TTI2: variants seen among roughly 807,000 people sequenced by gnomAD.
The protein encoded by TTI2 is TELO2 interacting protein 2.
In TTI2, 26 loss-of-function variants were observed where a neutral mutation model predicts 44.9. That is an observed-to-expected ratio of 0.58 (90% CI 0.42 to 0.80). The LOEUF (loss-of-function observed/expected upper bound fraction) is 0.80, where lower values mean the gene tolerates loss of function less well. TTI2 is among the 30% of genes least tolerant of loss of function. The pLI, the probability that TTI2 is intolerant of heterozygous loss-of-function variation, is 0.00. For missense variants in TTI2, 582 were observed against 611.6 expected (o/e 0.95, Z 0.51); for synonymous variants, 254 against 250.9 (o/e 1.01, Z -0.12).
At chr8:33,504,288 C>CCTTTTTT (rs1563352474) in intron 4 of TTI2, among the ~76,000 whole-genome samples, 1 of 55,784 alleles carries the variant, frequency 1.8e-5, no homozygotes. Context: ...GATATTTACA[C>CCTTTTTT]ATTTTTTTTT....
chr8:33,506,193 A>T (rs1267694872), intron 4 of TTI2, among the ~76,000 whole-genome samples: 1 of 152,134 alleles, frequency 6.6e-6, no homozygotes, highest in African/African-American at 2.4e-5. Flanking sequence ...TCTTTTCCAA[A>T]GCTTATCTTA....
rs1299206780 is a variant in TTI2 at position 33,499,138 on chromosome 8, G to A, written c.*35C>T. Reference sequence around the variant, plus strand: ...CCATTCATACAAATTGGGATGGGAAGAAAATCCTTTCCTCTTGGGAAAGTA... The same window carrying A: ...CCATTCATACAAATTGGGATGGGAAAAAAATCCTTTCCTCTTGGGAAAGTA... On this transcript the variant is annotated 3_prime_UTR_variant, in exon 8 of 8. Transcript: ENST00000431156. 5.2e-6 allele frequency: 8 copies of A among 1,543,868 alleles called. No individual in the cohort carries two copies. Among genetic ancestry groups the A allele is most frequent in the Non-Finnish European group, 7.2e-6 (8 of 1,116,356 alleles).
chr8:33,502,708 C>T (rs1162574979), intron 6 of TTI2, among the ~76,000 whole-genome samples: 4 of 151,884 alleles, frequency 2.6e-5, no homozygotes, highest in Admixed American at 1.3e-4. Context: ...CACCTGTAAT[C>T]CCAGCTACTC....
intron 4 of TTI2, among the ~76,000 whole-genome samples, chr8:33,505,178 G>C (rs537844820): frequency 1.3e-5 from 2 of 152,018 alleles, no homozygotes; most frequent in Non-Finnish European, 2.9e-5. Context: ...TGCCAAGATC[G>C]CGCCACTGTA....
chr8:33,512,426 T>C lies in TTI2; in HGVS notation c.188A>G (p.Glu63Gly), dbSNP rs2304748. Residue 63 changes from glutamate (E) to glycine (G), a missense_variant, in exon 2 of 8, where the codon GAA becomes GGA. By Grantham distance (98) the Glu-to-Gly change is moderately conservative. Coordinates refer to ENST00000431156, the MANE Select transcript of TTI2 (RefSeq NM_001102401.4). ...KDLGDLIEAT[E>G]FDRLFEGTGA... ...AGTCCCCTCAAATAACCTATCAAAT[T>C]CTGTGGCTTCTATTAGATCACCGAG... 0.59 allele frequency: 955,835 copies of C among 1,613,788 alleles called. 286,172 individuals carry two copies. The highest frequency in any genetic ancestry group is 0.62 in the Non-Finnish European group (727,759 of 1,179,968).
chr8:33,503,318 T>C, intron 6 of TTI2, 111 bp downstream of exon 6: 1 of 1,432,024 alleles, frequency 7.0e-7, no homozygotes. Flanking sequence ...AAATGGGAGG[T>C]ATTCAAATAC....
At chr8:33,507,465 T>C in intron 3 of TTI2, 144 bp from the exon 4 acceptor site, 1 of 741,384 alleles carries the variant, frequency 1.3e-6, no homozygotes, top group Non-Finnish European at 2.4e-6. Context: ...TTGAAAATAT[T>C]GCAGAAACTG....
In TTI2 at chr8:33,512,618, G is replaced by C; in HGVS notation, c.-5C>G. The C allele has an allele frequency of 1.2e-6, 2 of 1,612,272 alleles. No individual in the cohort carries two copies. The highest frequency in any genetic ancestry group is 1.7e-6 in the Non-Finnish European group (2 of 1,180,022). ...CAGAGCGCTGTCAAGCTCCATTCCT[G>C]ACTGCAGCACCAGAAGGCTGGTCTC... On this transcript the variant is annotated 5_prime_UTR_variant, in exon 2 of 8. Transcript: ENST00000431156.
chr8:33,499,507 A>G (rs1439328427), intron 7 of TTI2: 3 of 435,994 alleles, frequency 6.9e-6, no homozygotes, highest in East Asian at 4.3e-5. Flanking sequence ...TGTACTTGCA[A>G]ATCTCCTGCT....
At position 33,503,423 on chromosome 8, in the gene TTI2, T is replaced by C; in HGVS notation, c.1259+6A>G. 6.2e-7 allele frequency: 1 copy of C among 1,614,174 alleles called. No individual in the cohort carries two copies. The highest frequency in any genetic ancestry group is 1.3e-5 in the African/African-American group (1 of 75,054). ...GCTGAGTTTTGCACCTTAAGGCTGC[T>C]ATTACCTGGGCCAAGTATGTTGCAT... is the stretch of plus-strand genomic sequence containing the variant. On this transcript the variant is annotated splice_donor_region_variant and intron_variant, in intron 6 of 7. Coordinates refer to ENST00000431156, the MANE Select transcript of TTI2 (RefSeq NM_001102401.4).
At chr8:33,507,015 T>C (rs1191736875) in intron 4 of TTI2, among the ~76,000 whole-genome samples, 6 of 152,136 alleles carry the variant, frequency 3.9e-5, no homozygotes, top group Admixed American at 2.0e-4. Flanking sequence ...TACAATTGAC[T>C]CAGATGAATA....
chr8:33,499,388 A>G, intron 7 of TTI2, 111 bp from the exon 8 acceptor site: 1 of 776,020 alleles, frequency 1.3e-6, no homozygotes, highest in East Asian at 2.6e-5. Flanking sequence ...AGAATGGATG[A>G]CACTTAGGGA....
intron 6 of TTI2, among the ~76,000 whole-genome samples, chr8:33,501,945 AT>A (rs1177906405): frequency 6.6e-6 from 1 of 150,870 alleles, no homozygotes; most frequent in African/African-American, 2.4e-5. Context: ...AATTTTTATT[AT>A]TTTTTTTTAT....
Position 33,501,416 on chromosome 8 carries a change from C to T in TTI2, c.1260-926G>A. 1.3e-5 allele frequency among the ~76,000 whole-genome samples: 2 copies of T among 152,140 alleles called. 1 individual carries two copies. Among genetic ancestry groups the T allele is most frequent in the Admixed American group, 1.3e-4 (2 of 15,262 alleles). On this transcript the variant is annotated intron_variant, in intron 6 of 7. Transcript: ENST00000431156. Reference sequence around the variant, plus strand: ...CCCTCATACGCATACACACATATTCCTTTTCTACCTCCCTACATTTATTCA... The same window carrying T: ...CCCTCATACGCATACACACATATTCTTTTTCTACCTCCCTACATTTATTCA...
intron 7 of TTI2, chr8:33,499,995 T>G (rs1809006205): frequency 5.5e-6 from 1 of 182,372 alleles, no homozygotes; most frequent in Non-Finnish European, 1.1e-5. Context: ...CCCATTATTT[T>G]TACTTTTTTT....
chr8:33,512,539 G>C lies in TTI2; in HGVS notation c.75C>G (p.Ala25=), dbSNP rs745628155. The C allele has an allele frequency of 6.2e-7, 1 of 1,614,122 alleles. No homozygotes were observed. Among genetic ancestry groups the C allele is most frequent in the South Asian group, 1.1e-5 (1 of 91,078 alleles). ...SNLSEELSHS[A]FGQAFSKILH... is the part of the protein sequence containing the mutation. ...AAATCTTGGAGAAGGCCTGTCCAAA[G>C]GCGGAGTGAGACAACTCCTCGGACA... is the stretch of plus-strand genomic sequence containing the variant. The change falls in exon 2 of 8, where the codon GCC becomes GCG. Residue 25 remains alanine, a synonymous_variant. Transcript: ENST00000431156.
chr8:33,507,348 A>G, intron 3 of TTI2, 27 bp from the exon 4 acceptor site: 1 of 1,603,346 alleles, frequency 6.2e-7, no homozygotes, highest in Non-Finnish European at 8.5e-7. Flanking sequence ...CGTCAAATTA[A>G]AAGAATAGTT....
At chr8:33,510,622 C>A (rs1448024526) in intron 2 of TTI2, among the ~76,000 whole-genome samples, 1 of 152,136 alleles carries the variant, frequency 6.6e-6, no homozygotes, top group Non-Finnish European at 1.5e-5. Flanking sequence ...AGTGATCTGA[C>A]AGCCTTGGCC....
At position 33,512,337 on chromosome 8, in the gene TTI2, C is replaced by A. The variant is rs143403763; in HGVS notation, c.277G>T (p.Ala93Ser). The change falls in exon 2 of 8, where the codon GCA (alanine) becomes TCA (serine). Residue 93 changes from alanine (A) to serine (S), a missense_variant. Coordinates refer to ENST00000431156, the MANE Select transcript of TTI2 (RefSeq NM_001102401.4). ...GQVAKALEKY[A>S]APSKEEEGGG... is the part of the protein sequence containing the mutation. ...CCTTCCTCCTCCTTGGAGGGGGCTG[C>A]ATACTTCTCCAGGGCTTTTGCTACC... 2.5e-5 allele frequency: 40 copies of A among 1,614,200 alleles called. No individual in the cohort carries two copies. The highest frequency in any genetic ancestry group is 3.4e-5 in the Non-Finnish European group (40 of 1,180,044).
Sources: gnomAD v4.1 joint callset for allele counts (sites outside exome capture counted in the v4.1 genomes callset) on GRCh38, gnomAD v4.1.1 for gene constraint, MANE v1.5 for transcripts, NCBI Gene and HGNC (gene_info 2026-07-23, HGNC 2026-07-21) for gene names.